The following AGBL4 variants were observed in gnomAD, a reference collection of about 807,000 sequenced individuals.
The protein encoded by AGBL4 is AGBL carboxypeptidase 4, also known as cytosolic carboxypeptidase 6.
Under a neutral mutation model 66.4 loss-of-function variants are expected in AGBL4, and 58 were observed. The observed-to-expected ratio is 0.87, with a 90% CI of 0.71 to 1.09. The LOEUF (loss-of-function observed/expected upper bound fraction) is 1.09, where lower values mean the gene tolerates loss of function less well. Among genes scored for constraint, AGBL4 ranks in the 50% least tolerant of loss-of-function variants. The pLI, the probability that AGBL4 is intolerant of heterozygous loss-of-function variation, is 0.00. For missense variants in AGBL4, 579 were observed against 631.0 expected, an observed-to-expected ratio of 0.92 and a Z score of 0.88; for synonymous variants, 234 against 222.9, an observed-to-expected ratio of 1.05 and a Z score of -0.44.
chr1:49,584,998 A>G (rs1206290656), intron 3 of AGBL4, among the ~76,000 whole-genome samples: 1 of 152,198 alleles, frequency 6.6e-6, no homozygotes, highest in Non-Finnish European at 1.5e-5. Flanking sequence ...CCTACAGCCA[A>G]TCTCTGGTTT....
chr1:48,602,923 T>C (rs1241266861), intron 9 of AGBL4, among the ~76,000 whole-genome samples: 2 of 152,242 alleles, frequency 1.3e-5, no homozygotes, highest in Non-Finnish European at 2.9e-5. Context: ...ACAGTTTAAA[T>C]GTACATATGC....
chr1:48,952,022 T>G (rs1571081267), intron 5 of AGBL4, among the ~76,000 whole-genome samples: 1 of 152,342 alleles, frequency 6.6e-6, no homozygotes. Flanking sequence ...AAGCTAAGTT[T>G]TGTCTAATTT....
intron 5 of AGBL4, among the ~76,000 whole-genome samples, chr1:48,924,279 TATAAATAAATAAATAA>T (rs56391090): frequency 9.0e-4 from 133 of 148,598 alleles, no homozygotes; most frequent in Non-Finnish European, 1.6e-3. Context: ...GAATCTAAAA[TATAAATAAATAAATAA>T]ATAAATAAAT....
chr1:49,364,625 GCAC>G (rs1302460094), intron 3 of AGBL4, among the ~76,000 whole-genome samples: 1 of 152,020 alleles, frequency 6.6e-6, no homozygotes, highest in Non-Finnish European at 1.5e-5. Flanking sequence ...CTACAGACGT[GCAC>G]CACCACACCT....
chr1:49,588,284 A>G (rs1644688580), intron 3 of AGBL4, among the ~76,000 whole-genome samples: 1 of 152,160 alleles, frequency 6.6e-6, no homozygotes, highest in South Asian at 2.1e-4. Context: ...ATTCTAATTT[A>G]TAACCTCTGT....
chr1:48,735,130 AAGAG>A (rs1346086387), intron 6 of AGBL4, among the ~76,000 whole-genome samples: 1 of 152,254 alleles, frequency 6.6e-6, no homozygotes, highest in African/African-American at 2.4e-5. Flanking sequence ...TGTTTTTTAA[AAGAG>A]AACCATTTAA....
At chr1:49,656,057 G>A (rs567840897) in intron 3 of AGBL4, among the ~76,000 whole-genome samples, 2 of 151,972 alleles carry the variant, frequency 1.3e-5, no homozygotes, top group African/African-American at 2.4e-5. Context: ...TGAGGCAGGA[G>A]AATAGCTTGA....
Position 49,615,665 on chromosome 1 carries a change from A to G in AGBL4, c.282+81648T>C, listed in dbSNP as rs192088633. Among the ~76,000 whole-genome samples, 13 of 152,302 alleles carry G rather than the reference A, an allele frequency of 8.5e-5. No individual in the cohort carries two copies. The East Asian group carries it at 1.5e-3, about 18-fold the overall frequency. On this transcript the variant is annotated intron_variant, in intron 3 of 13. Transcript: ENST00000371839. ...AAAATGGATAAAAGAGTCATAGCCG[A>G]ATGAACACAGTATCAACACAATTCA... is the stretch of plus-strand genomic sequence containing the variant.
chr1:49,755,091 T>C (rs549714572), intron 2 of AGBL4, among the ~76,000 whole-genome samples: 1 of 152,312 alleles, frequency 6.6e-6, no homozygotes, highest in Admixed American at 6.5e-5. Context: ...GACTAAGGTT[T>C]AAACAAATGC....
chr1:49,057,842 G>A (rs1451384901), intron 4 of AGBL4, among the ~76,000 whole-genome samples: 1 of 152,118 alleles, frequency 6.6e-6, no homozygotes, highest in East Asian at 1.9e-4. Flanking sequence ...GTATATGATG[G>A]TACCTGAAAC....
chr1:49,550,658 G>A (rs573193927), intron 3 of AGBL4, among the ~76,000 whole-genome samples: 31 of 152,278 alleles, frequency 2.0e-4, no homozygotes, highest in African/African-American at 7.0e-4. Flanking sequence ...TAGGGTTTCT[G>A]CTGAGAAGCC....
chr1:49,564,098 G>A (rs904730941), intron 3 of AGBL4, among the ~76,000 whole-genome samples: 37 of 152,168 alleles, frequency 2.4e-4, no homozygotes, highest in Admixed American at 1.8e-3. Flanking sequence ...TATGTGCGTA[G>A]AGGTGTTTAT....
chr1:48,698,114 C>T (rs1315146466), intron 6 of AGBL4, among the ~76,000 whole-genome samples: 3 of 152,184 alleles, frequency 2.0e-5, no homozygotes, highest in East Asian at 1.9e-4. Flanking sequence ...CATGGTGACC[C>T]TCCACTCTGG....
chr1:48,621,279 G>T (rs762800691), intron 9 of AGBL4, among the ~76,000 whole-genome samples: 11 of 152,158 alleles, frequency 7.2e-5, no homozygotes, highest in Non-Finnish European at 1.2e-4. Flanking sequence ...TTAGACAGAC[G>T]AGTGGATAGA....
intron 2 of AGBL4, among the ~76,000 whole-genome samples, chr1:49,776,298 T>A (rs1644195675): frequency 6.6e-6 from 1 of 152,134 alleles, no homozygotes; most frequent in Non-Finnish European, 1.5e-5. Context: ...TCCTAACTAG[T>A]TCCTCCAATT....
chr1:49,793,923 A>G (rs4434878), intron 2 of AGBL4, among the ~76,000 whole-genome samples: 103,591 of 151,660 alleles, frequency 0.68, 36,097 homozygotes, highest in African/African-American at 0.77. Context: ...AGAATCCAAA[A>G]AAGAAGACTG....
rs564948751 is a variant in AGBL4, at chr1:48,642,817, A to G, written c.840-8213T>C. 1.5e-3 allele frequency among the ~76,000 whole-genome samples: 231 copies of G among 152,304 alleles called. 4 individuals are homozygous for G. The highest frequency in any genetic ancestry group is 3.4e-3 in the Middle Eastern group (1 of 294). On this transcript the variant is annotated intron_variant, in intron 8 of 13. Transcript: ENST00000371839. ...GGACAGAGGAAACAAAAAAGGGGGC[A>G]TAAAAGTCTTTCATGTGTTCACAAG...
At chr1:48,818,473 A>G (rs1646238344) in intron 6 of AGBL4, among the ~76,000 whole-genome samples, 1 of 152,210 alleles carries the variant, frequency 6.6e-6, no homozygotes, top group Admixed American at 6.5e-5. Context: ...TTTTCACAAG[A>G]TAAAAACAGC....
chr1:48,637,227 G>A (rs1039033158), intron 8 of AGBL4, among the ~76,000 whole-genome samples: 1 of 152,156 alleles, frequency 6.6e-6, no homozygotes, highest in Non-Finnish European at 1.5e-5. Flanking sequence ...GAATGACATG[G>A]ACTAATAGTT....
Sources: allele counts gnomAD v4.1 joint callset (sites outside exome capture counted in the v4.1 genomes callset), GRCh38; gene constraint gnomAD v4.1.1; transcripts MANE v1.5; gene names NCBI Gene and HGNC (gene_info 2026-07-23, HGNC 2026-07-21).